ITIH5: variants seen among roughly 807,000 people sequenced by gnomAD.
ITIH5 encodes inter-alpha-trypsin inhibitor heavy chain H5.
Under a neutral mutation model 77.5 loss-of-function variants are expected in ITIH5, and 65 were observed. The ratio of observed to expected loss-of-function variants is 0.84; its 90% CI spans 0.69 to 1.03. The LOEUF is 1.03. Ranked by LOEUF, ITIH5 falls within the 50% of genes least tolerant of loss-of-function variation. The pLI is 0.00. For missense variants in ITIH5, 1,208 were observed against 1,213.1 expected (o/e 1.00, Z 0.06); for synonymous variants, 525 against 494.3 (o/e 1.06, Z -0.82).
chr10:7,653,166 G>T (rs1277595802), intron 2 of ITIH5, among the ~76,000 whole-genome samples: 1 of 152,178 alleles, frequency 6.6e-6, no homozygotes, highest in Non-Finnish European at 1.5e-5. Context: ...TACAGATAGT[G>T]TTAAGAGTAA....
intron 1 of ITIH5, among the ~76,000 whole-genome samples, chr10:7,658,638 G>T (rs543920152): frequency 6.6e-6 from 1 of 152,300 alleles, no homozygotes; most frequent in Admixed American, 6.5e-5. Context: ...CATTGGTTCA[G>T]TCCAGAAAGG....
rs750137477 is a variant in ITIH5 at position 7,576,802 on chromosome 10, T to C, written c.1629A>G (p.Thr543=). 7 of 1,614,214 alleles carry C rather than the reference T, an allele frequency of 4.3e-6. No individual in the cohort carries two copies. The African/African-American group carries it at 5.3e-5, about 12-fold the overall frequency. The change falls in exon 10 of 14, where the codon ACA becomes ACG. Residue 543 remains threonine, a synonymous_variant. Transcript: ENST00000397146. The part of the protein sequence containing the change: ...SNSKKFIILK[T]DVPVRPQKAG... ...CCTTCTGAGGCCGCACAGGCACATC[T>C]GTCTTCAGGATGATGAATTTCTTAC...
intron 1 of ITIH5, among the ~76,000 whole-genome samples, chr10:7,663,147 A>G (rs946175803): frequency 2.0e-5 from 3 of 152,184 alleles, no homozygotes; most frequent in Admixed American, 1.3e-4. Flanking sequence ...ATTTGCTGAG[A>G]GCCCCAGCTT....
At chr10:7,640,355 T>C (rs1833864744) in intron 4 of ITIH5, among the ~76,000 whole-genome samples, 1 of 151,576 alleles carries the variant, frequency 6.6e-6, no homozygotes. Context: ...TGCACACCTG[T>C]AATCCCAGCT....
intron 10 of ITIH5, 117 bp from the exon 11 acceptor site, chr10:7,573,312 C>G: frequency 1.3e-6 from 1 of 770,898 alleles, no homozygotes; most frequent in South Asian, 1.6e-5. Flanking sequence ...TTTGTAACAG[C>G]TTAAATAATC....
At chr10:7,607,286 T>C (rs1833144477) in intron 7 of ITIH5, among the ~76,000 whole-genome samples, 1 of 152,222 alleles carries the variant, frequency 6.6e-6, no homozygotes. Flanking sequence ...ATATGGCCTG[T>C]GGCTGTGCTC....
intron 12 of ITIH5, among the ~76,000 whole-genome samples, chr10:7,567,319 T>TTTATTATTATTATTATTA (rs59350117): frequency 7.5e-4 from 104 of 139,490 alleles, no homozygotes; most frequent in Middle Eastern, 3.6e-3. Context: ...TCGGACATCT[T>TTTATTATTATTATTATTA]TTATTATTAT....
rs566204759 is a variant in ITIH5, at chr10:7,623,926, A to C, written c.653-6644T>G. 5.3e-4 allele frequency among the ~76,000 whole-genome samples: 80 copies of C among 152,282 alleles called. No individual in the cohort carries two copies. In the South Asian group the frequency reaches 8.5e-3, roughly 16 times the overall value. ...ATTTTAAATCCTTTTGGAAAACAGC[A>C]TCATATAGATATGATAGCAACACAT... is the stretch of plus-strand genomic sequence containing the variant. On this transcript the variant is annotated intron_variant, in intron 5 of 13. Coordinates refer to ENST00000397146, the MANE Select transcript of ITIH5 (RefSeq NM_030569.7).
chr10:7,626,328 C>G (rs962179282), intron 5 of ITIH5, among the ~76,000 whole-genome samples: 14 of 152,194 alleles, frequency 9.2e-5, no homozygotes, highest in Non-Finnish European at 2.1e-4. Context: ...GTGCCACGCT[C>G]TTGGGTTGAC....
At chr10:7,581,938 T>C (rs917476819) in intron 8 of ITIH5, among the ~76,000 whole-genome samples, 2 of 147,116 alleles carry the variant, frequency 1.4e-5, no homozygotes, top group Non-Finnish European at 3.0e-5. Context: ...TGCAGTGGCG[T>C]GATCTTGGCT....
At chr10:7,568,101 G>A (rs1264537713) in intron 12 of ITIH5, among the ~76,000 whole-genome samples, 1 of 152,172 alleles carries the variant, frequency 6.6e-6, no homozygotes, top group African/African-American at 2.4e-5. Flanking sequence ...CTGTCTGGCT[G>A]AATAACAAAC....
chr10:7,649,496 GGATAGATGGATAGATA>G (rs1361527527), intron 2 of ITIH5, among the ~76,000 whole-genome samples: 5 of 149,498 alleles, frequency 3.3e-5, no homozygotes, highest in South Asian at 2.2e-4. Context: ...ATGGGTAAGT[GGATAGATGGATAGATA>G]GATAGATGGA....
intron 1 of ITIH5, among the ~76,000 whole-genome samples, chr10:7,659,775 A>T (rs558786567): frequency 6.6e-6 from 1 of 152,332 alleles, no homozygotes; most frequent in South Asian, 2.1e-4. Context: ...TCCAAGTTTC[A>T]ACTCAGCTTG....
At chr10:7,622,809 T>C (rs942365948) in intron 5 of ITIH5, among the ~76,000 whole-genome samples, 3 of 152,326 alleles carry the variant, frequency 2.0e-5, no homozygotes, top group Non-Finnish European at 4.4e-5. Context: ...TAAGCGTAAA[T>C]GTACATTTTT....
intron 11 of ITIH5, 176 bp downstream of exon 11, chr10:7,572,966 C>A: frequency 1.8e-6 from 1 of 549,906 alleles, no homozygotes; most frequent in South Asian, 2.2e-5. Flanking sequence ...TTAGTAGAGA[C>A]GAGGTTTCAC....
Position 7,585,963 on chromosome 10 carries a change from G to C in ITIH5, c.1046C>G (p.Ser349Ter). The C allele has an allele frequency of 6.2e-7, 1 of 1,614,014 alleles. No individual in the cohort carries two copies. Among genetic ancestry groups the C allele is most frequent in the South Asian group, 1.1e-5 (1 of 91,084 alleles). Residue 349 changes from serine (S) to a stop codon, truncating the protein, a stop_gained, in exon 8 of 14, where the codon TCA becomes TGA. Coordinates refer to ENST00000397146, the MANE Select transcript of ITIH5 (RefSeq NM_030569.7). LOFTEE classifies it high-confidence loss of function. ...ATCCCTGATGCTGTCTGGAGTGACT[G>C]ATATCAAGTGGTCCTTCCATACTTT... ...RIKVWKDHLI[S>*]VTPDSIRDGK...
Position 7,561,963 on chromosome 10 carries a change from C to G in ITIH5, c.*1120G>C, listed in dbSNP as rs547806720. 6.6e-6 allele frequency: 1 copy of G among 152,222 alleles called. No homozygotes were observed. The highest frequency in any genetic ancestry group is 1.5e-5 in the Non-Finnish European group (1 of 68,050). 9.4% of individuals were successfully genotyped at this position (152,222 alleles called of 1,614,324 possible). ...TCTGGAAGTCCCCTCTCATCTTAAC[C>G]TTTTCCTTAAGGCATCAGGTTTGTC... On this transcript the variant is annotated 3_prime_UTR_variant, in exon 14 of 14. Transcript: ENST00000397146.
At chr10:7,598,593 T>G (rs1315259631) in intron 7 of ITIH5, among the ~76,000 whole-genome samples, 1 of 152,226 alleles carries the variant, frequency 6.6e-6, no homozygotes, top group African/African-American at 2.4e-5. Flanking sequence ...ATTTACTGCT[T>G]AAAGTCTCCT....
intron 12 of ITIH5, among the ~76,000 whole-genome samples, chr10:7,567,217 G>T (rs1253713845): frequency 6.6e-6 from 1 of 151,974 alleles, no homozygotes; most frequent in African/African-American, 2.4e-5. Flanking sequence ...TACCATGTTC[G>T]TCTGGTTTCC....
Sources: gnomAD v4.1 joint callset for allele counts (sites outside exome capture counted in the v4.1 genomes callset) on GRCh38, gnomAD v4.1.1 for gene constraint, MANE v1.5 for transcripts, NCBI Gene and HGNC (gene_info 2026-07-23, HGNC 2026-07-21) for gene names.